VPS13A: variants seen among roughly 807,000 people sequenced by gnomAD.
VPS13A encodes intermembrane lipid transfer protein VPS13A.
A neutral mutation model predicts 390.9 loss-of-function variants in VPS13A; 264 were observed. The ratio of observed to expected loss-of-function variants is 0.68; its 90% CI spans 0.61 to 0.75. The LOEUF is 0.75. VPS13A is among the 30% of genes least tolerant of loss of function. The pLI is 0.00. For synonymous variants in VPS13A, 1,231 were observed against 1,227.1 expected (o/e 1.00, Z -0.07); for missense variants, 3,409 against 3,733.9 (o/e 0.91, Z 2.27).
At chr9:77,262,309 G>GA (rs1825803265) in intron 23 of VPS13A, among the ~76,000 whole-genome samples, 1 of 151,454 alleles carries the variant, frequency 6.6e-6, no homozygotes, top group Non-Finnish European at 1.5e-5. Context: ...ATTTCAGAAA[G>GA]AAAAAAAATA....
chr9:77,250,019 TAA>T (rs1200071333), intron 20 of VPS13A, 76 bp from the exon 21 acceptor site: 13 of 1,504,652 alleles, frequency 8.6e-6, no homozygotes, highest in Non-Finnish European at 1.2e-5. Context: ...TAACATTTTA[TAA>T]GTCTAAAAAT....
chr9:77,358,374 T>G lies in VPS13A; in HGVS notation c.7971T>G (p.His2657Gln). The G allele has an allele frequency of 6.2e-7, 1 of 1,613,554 alleles. No individual in the cohort carries two copies. The highest frequency in any genetic ancestry group is 8.5e-7 in the Non-Finnish European group (1 of 1,179,778). The change falls in exon 57 of 72, where the codon CAT becomes CAG. Residue 2657 changes from histidine (H) to glutamine (Q), a missense_variant. By Grantham distance (24) the His-to-Gln change is conservative. Transcript: ENST00000360280. ...IYRIQIQNQIHGAVFPFVFYP... is the reference protein window; with the variant it reads ...IYRIQIQNQIQGAVFPFVFYP... ...TTTCTTAGATCCAAAATCAGATACA[T>G]GGTGCTGTATTTCCCTTTGTGTTTT...
chr9:77,203,652 T>G (rs1825464748), intron 3 of VPS13A, among the ~76,000 whole-genome samples: 1 of 152,232 alleles, frequency 6.6e-6, no homozygotes, highest in South Asian at 2.1e-4. Context: ...GTGTTTATTA[T>G]TTTTACAGTT....
intron 53 of VPS13A, 149 bp downstream of exon 53, chr9:77,351,595 A>T: frequency 9.8e-7 from 1 of 1,020,542 alleles, no homozygotes; most frequent in South Asian, 1.3e-5. Context: ...ATAAGGTGAA[A>T]CCCTGTCTCT....
At chr9:77,281,206 A>T (rs967469602) in intron 27 of VPS13A, among the ~76,000 whole-genome samples, 1 of 152,150 alleles carries the variant, frequency 6.6e-6, no homozygotes, top group Non-Finnish European at 1.5e-5. Context: ...GACAGGAAGA[A>T]TAATTTTTGA....
At chr9:77,384,383 G>A (rs977666773) in intron 68 of VPS13A, among the ~76,000 whole-genome samples, 1 of 151,920 alleles carries the variant, frequency 6.6e-6, no homozygotes, top group African/African-American at 2.4e-5. Context: ...TATACATTGA[G>A]TTTGTACCAA....
intron 5 of VPS13A, 64 bp from the exon 6 acceptor site, chr9:77,209,359 T>G: frequency 8.9e-7 from 1 of 1,121,032 alleles, no homozygotes; most frequent in South Asian, 1.3e-5. Context: ...GTTACTTCAG[T>G]ATGTGGATAT....
chr9:77,410,622 A>T lies in VPS13A; in HGVS notation c.9474+3015A>T, dbSNP rs1023492678. On this transcript the variant is annotated intron_variant, in intron 71 of 71. Transcript: ENST00000360280. Reference sequence around the variant, plus strand: ...AGATCTACCAAGCAAATGGAAAACAAAAAAAGGCAGGAGTTGCAATCCTAG... The same window carrying T: ...AGATCTACCAAGCAAATGGAAAACATAAAAAGGCAGGAGTTGCAATCCTAG... Among the ~76,000 whole-genome samples, 3 of 131,496 alleles carry T rather than the reference A, an allele frequency of 2.3e-5. No individual in the cohort carries two copies. The East Asian group carries it at 6.8e-4, about 30-fold the overall frequency. 86.3% of individuals were successfully genotyped at this position (131,496 alleles called of 152,430 possible). A position where few individuals can be genotyped will look rare whatever the true frequency, so the allele number is the denominator to read the frequency against.
At chr9:77,231,319 A>G (rs1823819985) in intron 17 of VPS13A, among the ~76,000 whole-genome samples, 1 of 152,162 alleles carries the variant, frequency 6.6e-6, no homozygotes, top group African/African-American at 2.4e-5. Flanking sequence ...CTTCGAAGGA[A>G]GTGTTCATCC....
intron 2 of VPS13A, 127 bp downstream of exon 2, chr9:77,200,115 TG>T: frequency 1.2e-6 from 1 of 861,284 alleles, no homozygotes; most frequent in East Asian, 2.8e-5. Context: ...TTTTGCAAAA[TG>T]TAAATTTTGC....
intron 19 of VPS13A, among the ~76,000 whole-genome samples, chr9:77,240,042 A>G (rs560405462): frequency 1.3e-5 from 2 of 152,068 alleles, no homozygotes; most frequent in South Asian, 2.1e-4. Context: ...TATATAGTTC[A>G]TGGTAGTTTA....
At chr9:77,371,003 CA>C (rs1386133232) in intron 66 of VPS13A, 22 bp from the exon 67 acceptor site, 17 of 1,613,926 alleles carry the variant, frequency 1.1e-5, no homozygotes, top group Non-Finnish European at 1.4e-5. Flanking sequence ...ATGCAATTGT[CA>C]AAAACTCTTT....
intron 44 of VPS13A, 43 bp from the exon 45 acceptor site, chr9:77,323,024 A>G: frequency 7.0e-7 from 1 of 1,435,742 alleles, no homozygotes; most frequent in Non-Finnish European, 9.6e-7. Flanking sequence ...TTAATATGTA[A>G]TGAATTATAA....
chr9:77,247,403 C>T lies in VPS13A; in HGVS notation c.2037+8C>T. 6.2e-7 allele frequency: 1 copy of T among 1,601,422 alleles called. No individual in the cohort carries two copies. Among genetic ancestry groups the T allele is most frequent in the South Asian group, 1.1e-5 (1 of 87,642 alleles). ...GACCTTGGTCATCTAAAGGTATATACTAATAATATTTGATTTATGATACAG... is the reference window on the plus strand; with the variant it reads ...GACCTTGGTCATCTAAAGGTATATATTAATAATATTTGATTTATGATACAG... On this transcript the variant is annotated splice_region_variant and intron_variant, in intron 20 of 71. Transcript: ENST00000360280.
intron 44 of VPS13A, among the ~76,000 whole-genome samples, 158 bp from the exon 45 acceptor site, chr9:77,322,909 G>A (rs1259204662): frequency 6.6e-6 from 1 of 151,808 alleles, no homozygotes; most frequent in Admixed American, 6.6e-5. Context: ...ATATATGCTG[G>A]CTTCTTAAAA....
At chr9:77,219,663 A>AT (rs958949604) in intron 10 of VPS13A, among the ~76,000 whole-genome samples, 125 of 150,028 alleles carry the variant, frequency 8.3e-4, no homozygotes, top group African/African-American at 2.6e-3. Context: ...TATTTTTTTG[A>AT]TTTTTTTTTT....
intron 13 of VPS13A, among the ~76,000 whole-genome samples, chr9:77,223,847 T>C (rs1426367782): frequency 6.6e-6 from 1 of 152,026 alleles, no homozygotes; most frequent in Non-Finnish European, 1.5e-5. Flanking sequence ...TAACAGCCTT[T>C]TACTGAGAGA....
chr9:77,278,905 AG>A (rs1407251898), intron 26 of VPS13A, among the ~76,000 whole-genome samples: 1 of 152,182 alleles, frequency 6.6e-6, no homozygotes, highest in Non-Finnish European at 1.5e-5. Flanking sequence ...GACATGCCAC[AG>A]GGGTGTGTAT....
At chr9:77,271,351 C>T (rs1032797151) in intron 23 of VPS13A, among the ~76,000 whole-genome samples, 2 of 152,130 alleles carry the variant, frequency 1.3e-5, no homozygotes, top group Non-Finnish European at 2.9e-5. Flanking sequence ...TCATATGTTA[C>T]TTGTGAAACT....
Sources: allele counts gnomAD v4.1 joint callset (sites outside exome capture counted in the v4.1 genomes callset), GRCh38; gene constraint gnomAD v4.1.1; transcripts MANE v1.5; gene names NCBI Gene and HGNC (gene_info 2026-07-23, HGNC 2026-07-21).